The following DCAF8L2 variants were observed in gnomAD, a reference collection of about 807,000 sequenced individuals.
The protein encoded by DCAF8L2 is DDB1 and CUL4 associated factor 8 like 2.
For synonymous variants in DCAF8L2, 200 were observed against 190.9 expected (o/e 1.05, Z -0.39); for missense variants, 430 against 490.7 (o/e 0.88, Z 1.17).
At chrX:27,631,074 T>G (rs1309256116) in intron 1 of DCAF8L2, among the ~76,000 whole-genome samples, 2 of 111,856 alleles carry the variant, frequency 1.8e-5, no homozygotes, top group African/African-American at 6.5e-5. Flanking sequence ...TCCTTGGGGT[T>G]ACAAGGATGG....
the DCAF8L2 span, among the ~76,000 whole-genome samples, chrX:27,574,625 A>G: frequency 1.3e-4 from 15 of 112,094 alleles, no homozygotes; most frequent in Non-Finnish European, 2.4e-4. Context: ...GTAGTGTAGC[A>G]ATGGCTTCCA....
At chrX:27,700,883 A>G (rs1931105580) in intron 3 of DCAF8L2, among the ~76,000 whole-genome samples, 1 of 111,707 alleles carries the variant, frequency 9.0e-6, no homozygotes, top group South Asian at 3.7e-4. Flanking sequence ...AATAAAAATC[A>G]CATCACTCCC....
intron 2 of DCAF8L2, among the ~76,000 whole-genome samples, chrX:27,661,477 C>A (rs1037219949): frequency 3.6e-5 from 4 of 111,228 alleles, no homozygotes; most frequent in African/African-American, 1.3e-4. Context: ...CAGTCAGCCA[C>A]CTTGAAGACC....
chrX:27,717,123 C>T (rs1931728013), intron 4 of DCAF8L2, among the ~76,000 whole-genome samples: 1 of 112,359 alleles, frequency 8.9e-6, no homozygotes, highest in East Asian at 2.8e-4. Context: ...TTTCTTTATC[C>T]AGTCTTTCAT....
intron 3 of DCAF8L2, among the ~76,000 whole-genome samples, chrX:27,710,017 T>G (rs763007480): frequency 2.7e-5 from 3 of 111,755 alleles, no homozygotes; most frequent in African/African-American, 9.8e-5. Context: ...GAGTTAATTT[T>G]TGTATATGGT....
At chrX:27,517,888 A>T in the DCAF8L2 span, 1 of 1,123,172 alleles carries the variant, frequency 8.9e-7, no homozygotes, top group African/African-American at 1.8e-5. Context: ...TTTGTGCCCA[A>T]TACAACTGGC....
chrX:27,641,840 T>C (rs1226612135), intron 2 of DCAF8L2, among the ~76,000 whole-genome samples: 1 of 110,221 alleles, frequency 9.1e-6, no homozygotes. Context: ...TGGCCACTTT[T>C]AAATTTTTCT....
At chrX:27,504,983 G>C in the DCAF8L2 span, among the ~76,000 whole-genome samples, 10 of 111,141 alleles carry the variant, frequency 9.0e-5, no homozygotes, top group African/African-American at 3.3e-4. Context: ...ACATAAATGA[G>C]GCTTCTACCT....
At chrX:27,493,227 C>G in the DCAF8L2 span, among the ~76,000 whole-genome samples, 1 of 111,324 alleles carries the variant, frequency 9.0e-6, no homozygotes, top group African/African-American at 3.3e-5. Flanking sequence ...GGTGACACAG[C>G]AAGACCCTGT....
chrX:27,570,169 C>G, the DCAF8L2 span, among the ~76,000 whole-genome samples: 1 of 110,946 alleles, frequency 9.0e-6, no homozygotes, highest in Non-Finnish European at 1.9e-5. Context: ...AAGGGAACAT[C>G]TGCTTTGTTC....
At chrX:27,734,212 A>C (rs1921388702) in intron 4 of DCAF8L2, among the ~76,000 whole-genome samples, 1 of 72,997 alleles carries the variant, frequency 1.4e-5, no homozygotes, top group Admixed American at 1.3e-4. Context: ...AAAGAAATTA[A>C]ACCCCATCTA....
upstream of DCAF8L2, among the ~76,000 whole-genome samples, chrX:27,587,985 A>AAAATATATATATATATATATATAT: frequency 6.7e-4 from 15 of 22,328 alleles, no homozygotes; most frequent in Non-Finnish European, 1.3e-3. Flanking sequence ...TAAAAAAAAA[A>AAAATATATATATATATATATATAT]ATATATATAT....
At chrX:27,670,123 T>G (rs1383342491) in intron 2 of DCAF8L2, among the ~76,000 whole-genome samples, 3 of 110,302 alleles carry the variant, frequency 2.7e-5, no homozygotes, top group African/African-American at 9.8e-5. Flanking sequence ...TTTGTTTGTT[T>G]TTTTTTTTAG....
At chrX:27,484,328 C>CTTCAGTGA in the DCAF8L2 span, among the ~76,000 whole-genome samples, 1 of 111,567 alleles carries the variant, frequency 9.0e-6, no homozygotes, top group Admixed American at 9.6e-5. Context: ...TCAAATCCTT[C>CTTCAGTGA]TTCAGTGATT....
chrX:27,602,840 G>A (rs767987481), intron 1 of DCAF8L2, among the ~76,000 whole-genome samples: 1 of 111,692 alleles, frequency 9.0e-6, no homozygotes, highest in African/African-American at 3.2e-5. Flanking sequence ...AAAAAAACAT[G>A]AGTATAAGGA....
At chrX:27,524,977 G>A in the DCAF8L2 span, among the ~76,000 whole-genome samples, 792 of 112,138 alleles carry the variant, frequency 7.1e-3, 20 homozygotes, top group East Asian at 0.11. Context: ...GAATAAGTGC[G>A]ATGTGGTGCT....
the DCAF8L2 span, among the ~76,000 whole-genome samples, chrX:27,513,088 T>A: frequency 1.8e-5 from 2 of 111,233 alleles, no homozygotes; most frequent in Admixed American, 1.9e-4. Flanking sequence ...ATACACAAAA[T>A]CAACTCAAAG....
At chrX:27,627,463 T>C (rs1438494775) in intron 1 of DCAF8L2, 3 of 110,146 alleles carry the variant, frequency 2.7e-5, no homozygotes, top group Non-Finnish European at 5.7e-5. Context: ...CTCAAGGTAA[T>C]AGACATATTC....
intron 1 of DCAF8L2, among the ~76,000 whole-genome samples, chrX:27,622,655 T>A (rs1189611795): frequency 9.0e-6 from 1 of 111,368 alleles, no homozygotes; most frequent in Non-Finnish European, 1.9e-5. Flanking sequence ...TACTTCTGGA[T>A]TATTCCATTC....
Sources: allele counts gnomAD v4.1 joint callset (sites outside exome capture counted in the v4.1 genomes callset), GRCh38; gene constraint gnomAD v4.1.1; transcripts MANE v1.5; gene names NCBI Gene and HGNC (gene_info 2026-07-23, HGNC 2026-07-21).